The following SLIT3 variants were observed in gnomAD, a reference collection of about 807,000 sequenced individuals.
The protein encoded by SLIT3 is slit guidance ligand 3.
In SLIT3, 68 loss-of-function variants were observed where a neutral mutation model predicts 184.0. That is an observed-to-expected ratio of 0.37 (90% CI 0.30 to 0.45). The LOEUF (loss-of-function observed/expected upper bound fraction) is 0.45. Among genes scored for constraint, SLIT3 ranks in the 20% least tolerant of loss-of-function variants. SLIT3 has a pLI of 1.00. For synonymous variants in SLIT3, 831 were observed against 828.6 expected (o/e 1.00, Z -0.05); for missense variants, 1,707 against 2,026.0 (o/e 0.84, Z 3.02).
intron 14 of SLIT3, 62 bp from the exon 15 acceptor site, chr5:168,762,751 T>C: frequency 6.4e-7 from 1 of 1,556,304 alleles, no homozygotes; most frequent in Non-Finnish European, 8.8e-7. Flanking sequence ...CCCCAGGTTG[T>C]GGGTAGTGGG....
chr5:168,896,691 G>A (rs1267302395), intron 4 of SLIT3, among the ~76,000 whole-genome samples: 1 of 152,198 alleles, frequency 6.6e-6, no homozygotes, highest in Admixed American at 6.5e-5. Flanking sequence ...CTACGAGGCT[G>A]GTTGGAAAAT....
intron 3 of SLIT3, among the ~76,000 whole-genome samples, chr5:169,218,205 G>A (rs1764510935): frequency 6.6e-6 from 1 of 152,128 alleles, no homozygotes; most frequent in South Asian, 2.1e-4. Flanking sequence ...ATTCTTTTGA[G>A]TCACTTCAGA....
At chr5:169,162,454 C>CT (rs1762510573) in intron 4 of SLIT3, among the ~76,000 whole-genome samples, 1 of 152,232 alleles carries the variant, frequency 6.6e-6, no homozygotes, top group South Asian at 2.1e-4. Context: ...GCTCAGACCT[C>CT]TCAAGCAACA....
intron 4 of SLIT3, among the ~76,000 whole-genome samples, chr5:169,087,220 G>C (rs530024866): frequency 2.0e-5 from 3 of 151,560 alleles, no homozygotes; most frequent in African/African-American, 4.8e-5. Context: ...CATCCTGCAG[G>C]GGGTGGCTGT....
At chr5:168,994,185 C>T (rs900771877) in intron 4 of SLIT3, 1 of 152,256 alleles carries the variant, frequency 6.6e-6, no homozygotes, top group African/African-American at 2.4e-5. Flanking sequence ...TCCACAACCC[C>T]TTGGTAAGAG....
intron 5 of SLIT3, among the ~76,000 whole-genome samples, chr5:168,845,292 C>G (rs1758419810): frequency 1.3e-5 from 2 of 152,118 alleles, no homozygotes; most frequent in Non-Finnish European, 2.9e-5. Context: ...TTACGGGGCC[C>G]ATCTGGTAGG....
intron 4 of SLIT3, among the ~76,000 whole-genome samples, chr5:168,992,347 C>G (rs958005037): frequency 6.6e-6 from 1 of 152,232 alleles, no homozygotes; most frequent in African/African-American, 2.4e-5. Context: ...CGCAAGGACC[C>G]TCAACTACAT....
intron 9 of SLIT3, among the ~76,000 whole-genome samples, chr5:168,805,867 A>G (rs1756937533): frequency 6.6e-6 from 1 of 152,236 alleles, no homozygotes; most frequent in Non-Finnish European, 1.5e-5. Flanking sequence ...GACTGTATGA[A>G]GGGCTCCACG....
intron 3 of SLIT3, among the ~76,000 whole-genome samples, chr5:169,222,124 GC>G (rs1764636440): frequency 2.0e-5 from 3 of 152,126 alleles, no homozygotes; most frequent in African/African-American, 7.2e-5. Flanking sequence ...TAGGATGGCG[GC>G]TTTTGAGATT....
intron 4 of SLIT3, among the ~76,000 whole-genome samples, chr5:169,104,763 G>T (rs1760141434): frequency 6.6e-6 from 1 of 152,174 alleles, no homozygotes; most frequent in Non-Finnish European, 1.5e-5. Flanking sequence ...ACCAGACAAG[G>T]TTGTCATACC....
In SLIT3 at chr5:169,089,348, G is replaced by T. The variant is rs146549729; in HGVS notation, c.413+104131C>A. ...CTAAAGCCTGAGGTTCTCTTGCATG[G>T]CTTCTACTTCACCACGTGCTACTTC... On this transcript the variant is annotated intron_variant, in intron 4 of 35. Coordinates refer to ENST00000519560, the MANE Select transcript of SLIT3 (RefSeq NM_003062.4). Among the ~76,000 whole-genome samples the T allele has an allele frequency of 2.6e-5, 4 of 152,234 alleles. No homozygotes were observed. The East Asian group carries it at 7.7e-4, about 29-fold the overall frequency.
intron 20 of SLIT3, among the ~76,000 whole-genome samples, chr5:168,742,302 G>C (rs1763660336): frequency 6.6e-6 from 1 of 151,154 alleles, no homozygotes; most frequent in Admixed American, 6.6e-5. Context: ...TCGCAGGCTA[G>C]CATGTTTTTA....
At chr5:168,973,144 A>T (rs150532160) in intron 4 of SLIT3, among the ~76,000 whole-genome samples, 24 of 152,290 alleles carry the variant, frequency 1.6e-4, no homozygotes, top group African/African-American at 2.6e-4. Context: ...GACAGCCATG[A>T]ATATAACTAC....
chr5:168,870,017 C>T (rs771853608), intron 5 of SLIT3, among the ~76,000 whole-genome samples: 6 of 152,224 alleles, frequency 3.9e-5, no homozygotes, highest in Non-Finnish European at 7.3e-5. Flanking sequence ...CGTGCCGGCA[C>T]GGCAGGCGCT....
chr5:168,959,974 C>T (rs1261978139), intron 4 of SLIT3, among the ~76,000 whole-genome samples: 1 of 152,120 alleles, frequency 6.6e-6, no homozygotes, highest in Non-Finnish European at 1.5e-5. Flanking sequence ...GTTAACTTGC[C>T]CAAGGAGGCA....
At chr5:169,091,289 G>C (rs1759574497) in intron 4 of SLIT3, among the ~76,000 whole-genome samples, 1 of 152,164 alleles carries the variant, frequency 6.6e-6, no homozygotes, top group South Asian at 2.1e-4. Flanking sequence ...TACCTCCCAA[G>C]ACCCTGTAAG....
intron 9 of SLIT3, among the ~76,000 whole-genome samples, chr5:168,795,867 G>C (rs902725197): frequency 2.0e-5 from 3 of 152,088 alleles, no homozygotes; most frequent in Non-Finnish European, 4.4e-5. Context: ...GGCAGCAGCT[G>C]TCTTCTTCAG....
At chr5:168,908,051 A>T (rs772989576) in intron 4 of SLIT3, among the ~76,000 whole-genome samples, 4 of 145,292 alleles carry the variant, frequency 2.8e-5, no homozygotes, top group Admixed American at 7.0e-5. Context: ...AAACATCACA[A>T]ACTGGGTGGC....
intron 4 of SLIT3, among the ~76,000 whole-genome samples, chr5:169,038,616 C>T (rs1170277865): frequency 5.3e-5 from 8 of 152,128 alleles, no homozygotes; most frequent in African/African-American, 7.2e-5. Context: ...ATTCTCCAAG[C>T]TCTGTGTGGG....
Sources: allele counts gnomAD v4.1 joint callset (sites outside exome capture counted in the v4.1 genomes callset), GRCh38; gene constraint gnomAD v4.1.1; transcripts MANE v1.5; gene names NCBI Gene and HGNC (gene_info 2026-07-23, HGNC 2026-07-21).